The following PTK2B variants were observed in gnomAD, a reference collection of about 807,000 sequenced individuals.
The protein encoded by PTK2B is protein tyrosine kinase 2 beta.
A neutral mutation model predicts 142.9 loss-of-function variants in PTK2B; 71 were observed. That is an observed-to-expected ratio of 0.50 (90% CI 0.41 to 0.61). The LOEUF (loss-of-function observed/expected upper bound fraction) is 0.61, where lower values mean the gene tolerates loss of function less well. PTK2B is among the 20% of genes least tolerant of loss of function. PTK2B has a pLI of 0.00. For synonymous variants in PTK2B, 519 were observed against 503.4 expected (o/e 1.03, Z -0.42); for missense variants, 1,105 against 1,320.4 (o/e 0.84, Z 2.53).
In PTK2B at chr8:27,458,561, C is replaced by T; in HGVS notation, c.*52C>T. 1 of 1,520,624 alleles carries T rather than the reference C, an allele frequency of 6.6e-7. No individual in the cohort carries two copies. Among genetic ancestry groups the T allele is most frequent in the Non-Finnish European group, 8.9e-7 (1 of 1,126,064 alleles). 94.2% of individuals were successfully genotyped at this position (1,520,624 alleles called of 1,614,324 possible). On this transcript the variant is annotated 3_prime_UTR_variant, in exon 31 of 31. Transcript: ENST00000346049. ...TCTTCCGCCCCTGCCTGCCATGTAC[C>T]TCCCCTGCCTTGCTGTTGGTCATGT...
chr8:27,325,035 C>T (rs1174792111), upstream of PTK2B, among the ~76,000 whole-genome samples: 1 of 152,150 alleles, frequency 6.6e-6, no homozygotes, highest in Non-Finnish European at 1.5e-5. Flanking sequence ...GGACCTGGAC[C>T]GGTTCTGCCA....
chr8:27,362,420 AG>A (rs780022628), intron 1 of PTK2B, among the ~76,000 whole-genome samples: 12 of 152,176 alleles, frequency 7.9e-5, no homozygotes, highest in Non-Finnish European at 1.2e-4. Context: ...AGAAGGGCTA[AG>A]GGTTTCTAAA....
intron 2 of PTK2B, 126 bp downstream of exon 2, chr8:27,397,914 C>T: frequency 8.3e-7 from 1 of 1,202,856 alleles, no homozygotes; most frequent in East Asian, 2.4e-5. Flanking sequence ...GGTGAGGTGG[C>T]ATCAGAGAGA....
chr8:27,451,203 A>T lies in PTK2B; in HGVS notation c.2523+125A>T, dbSNP rs757810319. The T allele has an allele frequency of 2.6e-5, 31 of 1,190,524 alleles. No individual in the cohort carries two copies. In the Admixed American group the frequency reaches 2.7e-4, roughly 10 times the overall value. 73.7% of individuals were successfully genotyped at this position (1,190,524 alleles called of 1,614,324 possible). The stretch of plus-strand genomic sequence containing the variant: ...CCCAGCTCCTCCTCAATGGCTTTCC[A>T]TGTTGGGAGGGTGTCTTTTCCTTTT... On this transcript the variant is annotated intron_variant, in intron 26 of 30. Transcript: ENST00000346049.
chr8:27,350,990 AATAT>A (rs1161548916), intron 1 of PTK2B, among the ~76,000 whole-genome samples: 48 of 12,062 alleles, frequency 4.0e-3, no homozygotes, highest in East Asian at 0.017. Context: ...AAAAAAAAAA[AATAT>A]ATATATATAT....
intron 1 of PTK2B, among the ~76,000 whole-genome samples, chr8:27,328,972 CTG>C (rs1803576954): frequency 6.6e-6 from 1 of 151,338 alleles, no homozygotes; most frequent in Admixed American, 6.6e-5. Context: ...GAGTCTCACT[CTG>C]TTGCCCAGGC....
At chr8:27,458,243 C>T in intron 30 of PTK2B, 51 bp from the exon 31 acceptor site, 1 of 1,563,480 alleles carries the variant, frequency 6.4e-7, no homozygotes, top group Non-Finnish European at 8.8e-7. Flanking sequence ...CCCTATCCTC[C>T]AAGCACAGAC....
intron 1 of PTK2B, among the ~76,000 whole-genome samples, chr8:27,385,024 C>G (rs1807257227): frequency 6.6e-6 from 1 of 152,178 alleles, no homozygotes; most frequent in Non-Finnish European, 1.5e-5. Flanking sequence ...AGAGCCCACA[C>G]CTGTAGCCCC....
chr8:27,435,137 A>T (rs773896735), intron 13 of PTK2B, among the ~76,000 whole-genome samples: 2 of 152,260 alleles, frequency 1.3e-5, no homozygotes, highest in Non-Finnish European at 2.9e-5. Flanking sequence ...ACAGTTCTAG[A>T]GGCTGGAAGT....
chr8:27,346,001 A>T (rs1468650395), intron 1 of PTK2B, among the ~76,000 whole-genome samples: 7 of 152,122 alleles, frequency 4.6e-5, no homozygotes, highest in Non-Finnish European at 1.0e-4. Flanking sequence ...TCCCCAAAAA[A>T]AGATTCATGT....
At chr8:27,388,660 C>T (rs1427027661) in intron 1 of PTK2B, among the ~76,000 whole-genome samples, 1 of 152,218 alleles carries the variant, frequency 6.6e-6, no homozygotes, top group East Asian at 1.9e-4. Context: ...TTCTCCCCAA[C>T]TCCCCTTTCA....
At chr8:27,356,335 A>G (rs914007586) in intron 1 of PTK2B, among the ~76,000 whole-genome samples, 5 of 152,222 alleles carry the variant, frequency 3.3e-5, no homozygotes, top group Non-Finnish European at 5.9e-5. Flanking sequence ...AAGGACATCT[A>G]TGGGATTGTA....
intron 2 of PTK2B, among the ~76,000 whole-genome samples, chr8:27,406,540 G>A (rs1159056756): frequency 2.6e-5 from 4 of 152,106 alleles, no homozygotes; most frequent in African/African-American, 4.8e-5. Context: ...GAGACTCACC[G>A]AATGTGTGAG....
At chr8:27,454,121 C>A in intron 28 of PTK2B, 33 bp from the exon 29 acceptor site, 1 of 1,613,634 alleles carries the variant, frequency 6.2e-7, no homozygotes, top group South Asian at 1.1e-5. Context: ...CTGGCTCTCC[C>A]CAACTCACTG....
At chr8:27,367,280 T>C (rs58490425) in intron 1 of PTK2B, among the ~76,000 whole-genome samples, 8,606 of 152,246 alleles carry the variant, frequency 0.057, 674 homozygotes, top group African/African-American at 0.18. Flanking sequence ...TGGGAGCAGC[T>C]CTGCCTGAGA....
intron 28 of PTK2B, 43 bp downstream of exon 28, chr8:27,453,203 T>G (rs761073496): frequency 1.2e-6 from 2 of 1,609,056 alleles, no homozygotes; most frequent in Admixed American, 3.3e-5. Flanking sequence ...AGAGTGGGGG[T>G]TGCACAAAAC....
intron 1 of PTK2B, among the ~76,000 whole-genome samples, chr8:27,338,470 A>G (rs1004133351): frequency 6.6e-6 from 1 of 152,204 alleles, no homozygotes; most frequent in Non-Finnish European, 1.5e-5. Context: ...GAGTCCATCA[A>G]AATCTCAGAA....
At chr8:27,353,154 A>C (rs1181543403) in intron 1 of PTK2B, among the ~76,000 whole-genome samples, 1 of 152,206 alleles carries the variant, frequency 6.6e-6, no homozygotes, top group Non-Finnish European at 1.5e-5. Flanking sequence ...TTTAGTTAGC[A>C]ATCCAAAAAT....
chr8:27,317,157 C>T (rs1450838138), intron 3 of PTK2B, among the ~76,000 whole-genome samples: 1 of 152,200 alleles, frequency 6.6e-6, no homozygotes, highest in Non-Finnish European at 1.5e-5. Flanking sequence ...GTCTCATTTT[C>T]AGAGCTAAGA....
Sources: gnomAD v4.1 joint callset for allele counts (sites outside exome capture counted in the v4.1 genomes callset) on GRCh38, gnomAD v4.1.1 for gene constraint, MANE v1.5 for transcripts, NCBI Gene and HGNC (gene_info 2026-07-23, HGNC 2026-07-21) for gene names.